ELP1: variants seen among roughly 807,000 people sequenced by gnomAD.
ELP1 encodes elongator acetyltransferase complex subunit 1, also known as elongator complex protein 1.
A neutral mutation model predicts 183.2 loss-of-function variants in ELP1; 131 were observed. That is an observed-to-expected ratio of 0.72 (90% CI 0.62 to 0.83). The LOEUF is 0.83. Ranked by LOEUF, ELP1 falls within the 40% of genes least tolerant of loss-of-function variation. The pLI, the probability that ELP1 is intolerant of heterozygous loss-of-function variation, is 0.00. For missense variants in ELP1, 1,550 were observed against 1,594.9 expected, an observed-to-expected ratio of 0.97 and a Z score of 0.48; for synonymous variants, 555 against 569.0, an observed-to-expected ratio of 0.98 and a Z score of 0.35.
chr9:108,904,848 T>A (rs1828959238), intron 14 of ELP1, among the ~76,000 whole-genome samples: 1 of 152,338 alleles, frequency 6.6e-6, no homozygotes, highest in Admixed American at 6.5e-5. Flanking sequence ...TTTGTAGTCC[T>A]CAAAAGCATT....
In ELP1 at chr9:108,868,013, G is replaced by T. The variant is rs1827300552; in HGVS notation, c.*1102C>A. On this transcript the variant is annotated 3_prime_UTR_variant, in exon 37 of 37. Coordinates refer to ENST00000374647, the MANE Select transcript of ELP1 (RefSeq NM_003640.5). ...CCAGTGTTGGAAGTGGGGCCCAATG[G>T]GAGGTGTTTTGGTCACAGGGGCAGA... 6.6e-6 allele frequency: 1 copy of T among 152,270 alleles called. No homozygotes were observed. The highest frequency in any genetic ancestry group is 1.5e-5 in the Non-Finnish European group (1 of 68,040). The allele number at this position is 152,270 out of a possible 1,614,324, so 9.4% of individuals were successfully genotyped here.
intron 27 of ELP1, among the ~76,000 whole-genome samples, chr9:108,892,479 G>T (rs980211206): frequency 6.6e-6 from 1 of 152,212 alleles, no homozygotes; most frequent in Non-Finnish European, 1.5e-5. Flanking sequence ...AGGGTGGTCA[G>T]GCAGCCTGGG....
At position 108,916,207 on chromosome 9, in the gene ELP1, A is replaced by G; in HGVS notation, c.955T>C (p.Cys319Arg). The change falls in exon 10 of 37, where the codon TGT (cysteine) becomes CGT (arginine). Residue 319 changes from cysteine to arginine, a missense_variant. By Grantham distance (180) the Cys-to-Arg change is radical. Transcript: ENST00000374647. ...TGGGGTACTACAGCTGTCTTACCAC[A>G]GGTTTTCGGAATGGAGCTTTCTTCT... The part of the protein sequence containing the change: ...QREESSIPKT[C>R]VQLWTVGNYH... The G allele has an allele frequency of 6.2e-7, 1 of 1,613,146 alleles. No individual in the cohort carries two copies. The highest frequency in any genetic ancestry group is 8.5e-7 in the Non-Finnish European group (1 of 1,179,058).
At chr9:108,886,451 C>T (rs1385475733) in intron 29 of ELP1, among the ~76,000 whole-genome samples, 1 of 151,994 alleles carries the variant, frequency 6.6e-6, no homozygotes, top group Non-Finnish European at 1.5e-5. Flanking sequence ...TAATCTGCCA[C>T]AAGAGAAAAA....
chr9:108,901,549 G>A lies in ELP1; in HGVS notation c.1909-19C>T. 1 of 1,611,822 alleles carries A rather than the reference G, an allele frequency of 6.2e-7. No homozygotes were observed. Among genetic ancestry groups the A allele is most frequent in the Non-Finnish European group, 8.5e-7 (1 of 1,177,828 alleles). On this transcript the variant is annotated intron_variant, in intron 17 of 36. Coordinates refer to ENST00000374647, the MANE Select transcript of ELP1 (RefSeq NM_003640.5). ...ACGCAACCTGCAAGAGAAGGCCAGA[G>A]AGGCATGGGTGAAAGCTAGCTAGAT...
At chr9:108,873,307 C>A (rs936521675) in intron 36 of ELP1, among the ~76,000 whole-genome samples, 1 of 152,192 alleles carries the variant, frequency 6.6e-6, no homozygotes, top group African/African-American at 2.4e-5. Flanking sequence ...ATTGATTTCA[C>A]TTGTGGGGAT....
At chr9:108,898,797 G>C (rs145861693) in intron 20 of ELP1, 48 bp from the exon 21 acceptor site, 5 of 1,260,882 alleles carry the variant, frequency 4.0e-6, no homozygotes, top group Non-Finnish European at 5.8e-6. Context: ...CAAAAACTGA[G>C]CTCCATGGGC....
intron 10 of ELP1, among the ~76,000 whole-genome samples, chr9:108,915,480 C>T (rs540421097): frequency 5.3e-5 from 8 of 152,312 alleles, no homozygotes; most frequent in East Asian, 1.9e-4. Context: ...AAGGCTGTAA[C>T]AGAAATCCTC....
chr9:108,872,803 T>TCAAAAA (rs1564207087), intron 36 of ELP1, among the ~76,000 whole-genome samples: 2 of 62,806 alleles, frequency 3.2e-5, no homozygotes, highest in African/African-American at 1.6e-4. Flanking sequence ...AGACTCTGTC[T>TCAAAAA]GAAAAAAAAA....
chr9:108,892,925 C>T lies in ELP1; in HGVS notation c.2958+61G>A, dbSNP rs530322093. 1.2e-5 allele frequency: 14 copies of T among 1,141,362 alleles called. No individual in the cohort carries two copies. In the East Asian group the frequency reaches 2.6e-4, roughly 21 times the overall value. The allele number at this position is 1,141,362 out of a possible 1,614,324, so 70.7% of individuals were successfully genotyped here. ...TGGTGTTATGAACTTAGGATCCTCA[C>T]TCCTTTCCTACTAAAGCAAAAAGCA... On this transcript the variant is annotated intron_variant, in intron 27 of 36. Transcript: ENST00000374647.
chr9:108,906,953 C>T (rs141364205), intron 13 of ELP1, among the ~76,000 whole-genome samples: 98 of 152,278 alleles, frequency 6.4e-4, no homozygotes, highest in African/African-American at 2.2e-3. Context: ...AGCATTTATA[C>T]ACCTGACCAG....
chr9:108,872,076 C>T (rs897604114), intron 36 of ELP1, among the ~76,000 whole-genome samples: 1 of 152,152 alleles, frequency 6.6e-6, no homozygotes, highest in Admixed American at 6.5e-5. Flanking sequence ...ACTTGTGGTA[C>T]TTCCTATAGG....
chr9:108,900,160 C>T, intron 19 of ELP1, 100 bp downstream of exon 19: 1 of 909,756 alleles, frequency 1.1e-6, no homozygotes, highest in Non-Finnish European at 1.8e-6. Flanking sequence ...ATAAACGATA[C>T]AAAGAATAAG....
chr9:108,909,630 T>C (rs758727896), intron 12 of ELP1, among the ~76,000 whole-genome samples: 2 of 152,212 alleles, frequency 1.3e-5, no homozygotes, highest in Non-Finnish European at 2.9e-5. Flanking sequence ...TGTTATGATC[T>C]TTCTCTTCTT....
intron 36 of ELP1, among the ~76,000 whole-genome samples, chr9:108,870,686 T>C (rs1345955498): frequency 1.3e-5 from 2 of 151,366 alleles, no homozygotes; most frequent in African/African-American, 4.8e-5. Context: ...TTCATTTCTC[T>C]AAGGTACCAA....
At chr9:108,919,446 G>A (rs906436646) in intron 6 of ELP1, 97 bp from the exon 7 acceptor site, 3 of 786,282 alleles carry the variant, frequency 3.8e-6, no homozygotes, top group Admixed American at 4.4e-5. Flanking sequence ...TTTTTAAGAG[G>A]TTTAAGCTAC....
Position 108,898,724 on chromosome 9 carries a change from A to C in ELP1, c.2230T>G (p.Cys744Gly). 3 of 1,612,186 alleles carry C rather than the reference A, an allele frequency of 1.9e-6. No homozygotes were observed. The highest frequency in any genetic ancestry group is 2.5e-6 in the Non-Finnish European group (3 of 1,178,830). ...DKLMFKEAFECMRKLRINLNL... is the reference protein window; with the variant it reads ...DKLMFKEAFEGMRKLRINLNL... ...AGATTGATTCTCAGCTTTCTCATGC[A>C]TTCAAATGCCTCTTTAAACATAAGT... is the stretch of plus-strand genomic sequence containing the variant. Residue 744 changes from cysteine to glycine, a missense_variant, in exon 21 of 37, where the codon TGC (cysteine) becomes GGC (glycine). By Grantham distance (159) the Cys-to-Gly change is radical. Coordinates refer to ENST00000374647, the MANE Select transcript of ELP1 (RefSeq NM_003640.5).
At chr9:108,878,432 A>C (rs1387124637) in intron 34 of ELP1, among the ~76,000 whole-genome samples, 191 bp downstream of exon 34, 2 of 152,210 alleles carry the variant, frequency 1.3e-5, no homozygotes, top group East Asian at 3.8e-4. Flanking sequence ...AAATGGAGGA[A>C]GGCTTCTCAG....
At position 108,900,190 on chromosome 9, in the gene ELP1, G is replaced by A. The variant is rs769334183; in HGVS notation, c.2130+70C>T. On this transcript the variant is annotated intron_variant, in intron 19 of 36. Coordinates refer to ENST00000374647, the MANE Select transcript of ELP1 (RefSeq NM_003640.5). ...AATAAGAAAGCCTAAAATACAACCT[G>A]CAAGAATTATGCTTGGTACTTGGCT... is the stretch of plus-strand genomic sequence containing the variant. 2.5e-5 allele frequency: 28 copies of A among 1,100,102 alleles called. No homozygotes were observed. The Middle Eastern group carries it at 5.9e-4, about 23-fold the overall frequency. 68.1% of individuals were successfully genotyped at this position (1,100,102 alleles called of 1,614,324 possible). A position where few individuals can be genotyped will look rare whatever the true frequency, so the allele number is the denominator to read the frequency against.
Sources: gnomAD v4.1 joint callset for allele counts (sites outside exome capture counted in the v4.1 genomes callset) on GRCh38, gnomAD v4.1.1 for gene constraint, MANE v1.5 for transcripts, NCBI Gene and HGNC (gene_info 2026-07-23, HGNC 2026-07-21) for gene names.